Variants in GBP7 observed in about 807,000 individuals in gnomAD.
The protein encoded by GBP7 is guanylate-binding protein 7.
GBP7 carries 43 observed loss-of-function variants against 61.3 expected under a neutral mutation model. The ratio of observed to expected loss-of-function variants is 0.70; its 90% CI spans 0.55 to 0.91. The LOEUF (loss-of-function observed/expected upper bound fraction) is 0.91, where lower values mean the gene tolerates loss of function less well. GBP7 is among the 40% of genes least tolerant of loss of function. GBP7 has a pLI of 0.00. For synonymous variants in GBP7, 267 were observed against 271.0 expected (o/e 0.99, Z 0.14); for missense variants, 717 against 740.5 (o/e 0.97, Z 0.37).
intron 5 of GBP7, among the ~76,000 whole-genome samples, 173 bp from the exon 6 acceptor site, chr1:89,150,748 A>C (rs1682177516): frequency 6.6e-6 from 1 of 152,218 alleles, no homozygotes; most frequent in South Asian, 2.1e-4. Flanking sequence ...TTAAGGTATG[A>C]AAAGTCAATT....
In GBP7 at chr1:89,149,283, A is replaced by T; in HGVS notation, c.1152+9T>A. 3 of 1,580,370 alleles carry T rather than the reference A, an allele frequency of 1.9e-6. No individual in the cohort carries two copies. The highest frequency in any genetic ancestry group is 2.6e-6 in the Non-Finnish European group (3 of 1,163,752). The stretch of plus-strand genomic sequence containing the variant: ...AGGAATCAAGAAAAAAAAAAATAAC[A>T]AAGATTACCACAAGCTTCTTCTGAA... On this transcript the variant is annotated intron_variant, in intron 7 of 10. Coordinates refer to ENST00000294671, the MANE Select transcript of GBP7 (RefSeq NM_207398.3).
intron 7 of GBP7, 32 bp from the exon 8 acceptor site, chr1:89,147,811 A>G (rs1682103820): frequency 6.2e-7 from 1 of 1,609,004 alleles, no homozygotes; most frequent in South Asian, 1.1e-5. Context: ...AAACAGTAGA[A>G]AGAAGCTGTT....
At chr1:89,140,503 A>G (rs1681914288) in intron 9 of GBP7, among the ~76,000 whole-genome samples, 1 of 152,098 alleles carries the variant, frequency 6.6e-6, no homozygotes, top group African/African-American at 2.4e-5. Context: ...ATGAGATATC[A>G]TCTCATACCA....
intron 7 of GBP7, 50 bp from the exon 8 acceptor site, chr1:89,147,829 A>G: frequency 6.3e-7 from 1 of 1,583,002 alleles, no homozygotes; most frequent in African/African-American, 1.3e-5. Context: ...GTTAGAAGGG[A>G]AGGTCCAACT....
intron 1 of GBP7, 44 bp from the exon 2 acceptor site, chr1:89,171,998 G>T: frequency 7.3e-7 from 1 of 1,367,628 alleles, no homozygotes; most frequent in Non-Finnish European, 1.0e-6. Context: ...TGGTAAGTCA[G>T]TTGAGCTGAA....
intron 2 of GBP7, among the ~76,000 whole-genome samples, chr1:89,165,344 C>T (rs1647395060): frequency 6.6e-6 from 1 of 151,790 alleles, no homozygotes; most frequent in East Asian, 1.9e-4. Context: ...TACTAAAATA[C>T]AAAAAATTAG....
At chr1:89,149,633 G>C (rs1040615599) in intron 6 of GBP7, 61 bp from the exon 7 acceptor site, 15 of 1,409,052 alleles carry the variant, frequency 1.1e-5, no homozygotes, top group Non-Finnish European at 1.5e-5. Flanking sequence ...TTTTACGAGT[G>C]GTATGTATCA....
chr1:89,141,693 C>A (rs765672792), intron 8 of GBP7, 45 bp from the exon 9 acceptor site: 1 of 1,482,514 alleles, frequency 6.7e-7, no homozygotes, highest in South Asian at 1.1e-5. Context: ...CAGCAGAAAT[C>A]TTGTCTTGTG....
In GBP7 at chr1:89,171,869, CCA is replaced by C. The variant is rs569029718; in HGVS notation, c.65_66del (p.Val22GlyfsTer52). On this transcript the variant is annotated frameshift_variant, in exon 2 of 11. Transcript: ENST00000294671. LOFTEE classifies it high-confidence loss of function. ...CLTENTKGHL[V>X]VNSEALEILS... is the part of the protein sequence containing the mutation. ...AGGATTTCCAGAGCTTCTGAATTCA[CCA>C]CCAGATGCCCTTTAGTGTTCTCAGT... The C allele has an allele frequency of 1.3e-5, 21 of 1,613,632 alleles. No individual in the cohort carries two copies. The highest frequency in any genetic ancestry group is 1.7e-5 in the Non-Finnish European group (20 of 1,179,810).
chr1:89,142,494 TCCTACCTTGG>T (rs2100640863), intron 8 of GBP7, among the ~76,000 whole-genome samples: 1 of 152,324 alleles, frequency 6.6e-6, no homozygotes, highest in South Asian at 2.1e-4. Context: ...TAAGCAATCC[TCCTACCTTGG>T]CCTTCCAAAG....
At chr1:89,158,860 T>G (rs1165644241) in intron 3 of GBP7, among the ~76,000 whole-genome samples, 1 of 152,138 alleles carries the variant, frequency 6.6e-6, no homozygotes, top group Non-Finnish European at 1.5e-5. Flanking sequence ...GAAAAAAAAC[T>G]ACTTTAAAGT....
In GBP7 at chr1:89,139,738, T is replaced by C. The variant is rs1681889133; in HGVS notation, c.1468+1808A>G. ...AGAGAAATGCAAATCAAAACCACAA[T>C]GAGATACCATCTCACACCAGTTAGA... On this transcript the variant is annotated intron_variant, in intron 9 of 10. Transcript: ENST00000294671. 3.3e-5 allele frequency among the ~76,000 whole-genome samples: 5 copies of C among 152,132 alleles called. No homozygotes were observed. The South Asian group carries it at 1.0e-3, about 31-fold the overall frequency.
chr1:89,133,435 C>A lies in GBP7; in HGVS notation c.1485G>T (p.Lys495Asn). 6.2e-7 allele frequency: 1 copy of A among 1,613,954 alleles called. No individual in the cohort carries two copies. The highest frequency in any genetic ancestry group is 8.5e-7 in the Non-Finnish European group (1 of 1,179,944). The change falls in exon 10 of 11, where the codon AAG (lysine) becomes AAT (asparagine). Residue 495 changes from lysine to asparagine, a missense_variant. Physicochemically the swap from Lys to Asn is moderately conservative, Grantham distance 94 (BLOSUM62 0). This residue lies in a region of GBP7 where 312 missense variants were observed against 310.1 expected (regional missense o/e 1.01). Coordinates refer to ENST00000294671, the MANE Select transcript of GBP7 (RefSeq NM_207398.3). ...EKAIAAKQAK[K>N]EAAEKEQELL... ...GCTCCTGTTCCTTTTCAGCTGCCTC[C>A]TTCTTAGCCTGCTTAGCTGTTCCAC...
rs1469915994 is a variant in GBP7 at position 89,140,467 on chromosome 1, A to AAAG, written c.1468+1078_1468+1079insCTT. 3.3e-5 allele frequency among the ~76,000 whole-genome samples: 5 copies of AAAG among 151,730 alleles called. No individual in the cohort carries two copies. In the South Asian group the frequency reaches 8.3e-4, roughly 25 times the overall value. ...ATAATAATAAAAAAAACTGAAAAAAAAAAGAAAAATGCAGGTAGAAAGCAC... is the reference window on the plus strand; with the variant it reads ...ATAATAATAAAAAAAACTGAAAAAAAAAGAAAGAAAAATGCAGGTAGAAAGCAC... On this transcript the variant is annotated intron_variant, in intron 9 of 10. Coordinates refer to ENST00000294671, the MANE Select transcript of GBP7 (RefSeq NM_207398.3).
At chr1:89,155,563 C>A (rs1029001640) in intron 3 of GBP7, among the ~76,000 whole-genome samples, 2 of 152,194 alleles carry the variant, frequency 1.3e-5, no homozygotes, top group East Asian at 1.9e-4. Context: ...GATGCATGCA[C>A]AAGCTTCAGT....
rs553893204 is a variant in GBP7, at chr1:89,160,091, T to C, written c.318+4640A>G. ...ATGGATGAAGCTGAAAACCATCATT[T>C]TGAGCAAACTATCACAAGGTCAGAA... On this transcript the variant is annotated intron_variant, in intron 3 of 10. Coordinates refer to ENST00000294671, the MANE Select transcript of GBP7 (RefSeq NM_207398.3). Among the ~76,000 whole-genome samples, 21 of 152,202 alleles carry C rather than the reference T, an allele frequency of 1.4e-4. No homozygotes were observed. In the South Asian group the frequency reaches 3.9e-3, roughly 29 times the overall value.
chr1:89,162,032 T>C (rs1358680993), intron 3 of GBP7, among the ~76,000 whole-genome samples: 1 of 131,676 alleles, frequency 7.6e-6, no homozygotes, highest in Non-Finnish European at 1.6e-5. Context: ...AGGGAATCTT[T>C]TCCCCATTGC....
At chr1:89,171,655 C>T in intron 2 of GBP7, 91 bp downstream of exon 2, 1 of 1,172,682 alleles carries the variant, frequency 8.5e-7, no homozygotes, top group Non-Finnish European at 1.2e-6. Flanking sequence ...TTATCCCCAA[C>T]ACTAACTTTC....
intron 3 of GBP7, among the ~76,000 whole-genome samples, chr1:89,156,153 T>C (rs962318432): frequency 2.6e-5 from 4 of 152,188 alleles, no homozygotes; most frequent in Admixed American, 2.0e-4. Context: ...AAGCGAATGC[T>C]GAGAGATTTT....
Sources: allele counts gnomAD v4.1 joint callset (sites outside exome capture counted in the v4.1 genomes callset), GRCh38; gene constraint gnomAD v4.1.1; regional missense constraint gnomAD v4.1.1; transcripts MANE v1.5; gene names NCBI Gene and HGNC (gene_info 2026-07-23, HGNC 2026-07-21).